IRF9: variants seen among roughly 807,000 people sequenced by gnomAD.
IRF9 encodes IFN-alpha-responsive transcription factor subunit.
A neutral mutation model predicts 44.1 loss-of-function variants in IRF9; 13 were observed. The ratio of observed to expected loss-of-function variants is 0.29; its 90% confidence interval spans 0.19 to 0.47. IRF9 has a LOEUF of 0.47. IRF9 is among the 20% of genes least tolerant of loss of function. The pLI, the probability that IRF9 is intolerant of heterozygous loss-of-function variation, is 1.00. For synonymous variants in IRF9, 189 were observed against 188.5 expected (o/e 1.00, Z -0.02); for missense variants, 373 against 496.1 (o/e 0.75, Z 2.36).
rs1209605053 is a variant in IRF9 at position 24,166,303 on chromosome 14, T to G, written c.*107T>G. On this transcript the variant is annotated 3_prime_UTR_variant, in exon 9 of 9. Transcript: ENST00000396864. ...CTGTCCTCTTTGTGATAATTCTCAGTAGTTGTCCGTGATAATCGTGTCCTG... is the reference window on the plus strand; with the variant it reads ...CTGTCCTCTTTGTGATAATTCTCAGGAGTTGTCCGTGATAATCGTGTCCTG... 5.1e-6 allele frequency: 5 copies of G among 982,774 alleles called. No homozygotes were observed. In the South Asian group the frequency reaches 6.8e-5, roughly 13 times the overall value. 60.9% of individuals were successfully genotyped at this position (982,774 alleles called of 1,614,324 possible).
Position 24,166,338 on chromosome 14 carries a change from G to T in IRF9, c.*142G>T. On this transcript the variant is annotated 3_prime_UTR_variant, in exon 9 of 9. Coordinates refer to ENST00000396864, the MANE Select transcript of IRF9 (RefSeq NM_006084.5). ...TGATAATCGTGTCCTGAAAATCCTC[G>T]CACACACTGGCTGGTGGAGAACTCA... 1.4e-6 allele frequency: 1 copy of T among 739,742 alleles called. No homozygotes were observed. Among genetic ancestry groups the T allele is most frequent in the East Asian group, 2.7e-5 (1 of 36,762 alleles). The allele number at this position is 739,742 out of a possible 1,614,324, so 45.8% of individuals were successfully genotyped here. A position where few individuals can be genotyped will look rare whatever the true frequency, so the allele number is the denominator to read the frequency against.
In IRF9 at chr14:24,165,848, C is replaced by T. The variant is rs2038515145; in HGVS notation, c.993C>T (p.Asp331=). 2 of 1,610,628 alleles carry T rather than the reference C, an allele frequency of 1.2e-6. No homozygotes were observed. The highest frequency in any genetic ancestry group is 1.3e-5 in the African/African-American group (1 of 74,852). Residue 331 remains aspartate, a splice_region_variant and synonymous_variant, in exon 8 of 9, where the codon GAC becomes GAT. Coordinates refer to ENST00000396864, the MANE Select transcript of IRF9 (RefSeq NM_006084.5). ...AACCCTTGACCCTTTCTCTTTCAGA[C>T]TTGGTCAGGTACTTTCAGGGCCTGG... ...ELFRTAYFCR[D]LVRYFQGLGP...
At chr14:24,162,361 GGGAT>G in intron 2 of IRF9, 37 bp downstream of exon 2, 2 of 1,589,554 alleles carry the variant, frequency 1.3e-6, no homozygotes, top group South Asian at 2.3e-5. Flanking sequence ...CTCTGTGTGT[GGGAT>G]GGTGTATACA....
At chr14:24,161,764 C>T (rs377014231) in intron 1 of IRF9, among the ~76,000 whole-genome samples, 7 of 152,170 alleles carry the variant, frequency 4.6e-5, no homozygotes, top group African/African-American at 1.7e-4. Flanking sequence ...CAGAACCTAC[C>T]TCTGCTGATG....
Position 24,164,567 on chromosome 14 carries a change from C to T in IRF9, c.650-47C>T. The T allele has an allele frequency of 6.6e-7, 1 of 1,520,458 alleles. No homozygotes were observed. The highest frequency in any genetic ancestry group is 2.3e-5 in the East Asian group (1 of 43,822). The allele number at this position is 1,520,458 out of a possible 1,614,324, so 94.2% of individuals were successfully genotyped here. A position where few individuals can be genotyped will look rare whatever the true frequency, so the allele number is the denominator to read the frequency against. ...TGTTCCCCTGGGGAGGGGCTGCTGC[C>T]AGCCTGCATGCTCCTCCAGCACCAG... On this transcript the variant is annotated intron_variant, in intron 6 of 8. Transcript: ENST00000396864. The surrounding 1 kb of genome is among the most constrained non-coding windows in gnomAD (Gnocchi z 5.2).
rs573340541 is a variant in IRF9, at chr14:24,164,306, C to T, written c.649+172C>T. 7.9e-5 allele frequency: 52 copies of T among 656,418 alleles called. No homozygotes were observed. The African/African-American group carries it at 8.4e-4, about 11-fold the overall frequency. The allele number at this position is 656,418 out of a possible 1,614,324, so 40.7% of individuals were successfully genotyped here. On this transcript the variant is annotated intron_variant, in intron 6 of 8. Transcript: ENST00000396864. The surrounding 1 kb of genome is among the most constrained non-coding windows in gnomAD (Gnocchi z 5.2). ...GAATTCCATATGCCTGGCCAGACTC[C>T]AAAAAGCTTGCTTCCCAAAAATACC...
At chr14:24,165,396 C>T (rs938664519) in intron 7 of IRF9, 36 of 597,114 alleles carry the variant, frequency 6.0e-5, no homozygotes, top group Admixed American at 1.4e-4. Flanking sequence ...CTTAGGGTTG[C>T]GCTTCTCTCC....
chr14:24,163,969 G>A lies in IRF9; in HGVS notation c.577+10G>A, dbSNP rs1451229699. 2 of 1,609,172 alleles carry A rather than the reference G, an allele frequency of 1.2e-6. No homozygotes were observed. Among genetic ancestry groups the A allele is most frequent in the Non-Finnish European group, 1.7e-6 (2 of 1,177,764 alleles). On this transcript the variant is annotated intron_variant, in intron 5 of 8. Coordinates refer to ENST00000396864, the MANE Select transcript of IRF9 (RefSeq NM_006084.5). ...CCTGAGCCACAGGAAGGTACCACCTGCCCTGCCTCTTGTGTCGTCCCCCAT... is the reference window on the plus strand; with the variant it reads ...CCTGAGCCACAGGAAGGTACCACCTACCCTGCCTCTTGTGTCGTCCCCCAT...
intron 4 of IRF9, 114 bp from the exon 5 acceptor site, chr14:24,163,764 G>A: frequency 3.6e-6 from 4 of 1,113,042 alleles, no homozygotes; most frequent in Non-Finnish European, 3.8e-6. Flanking sequence ...CTTGAACCGG[G>A]GGGCGGAGAT....
rs754308020 is a variant in IRF9, at chr14:24,163,847, G to GA, written c.496-23dup. The stretch of plus-strand genomic sequence containing the variant: ...AGTGAAACTCTGTCTCAAAAAAAGA[G>GA]AAAAAAAATAAAAAGACACTGTGTC... On this transcript the variant is annotated intron_variant, in intron 4 of 8. Transcript: ENST00000396864. 23 of 1,576,614 alleles carry GA rather than the reference G, an allele frequency of 1.5e-5. No homozygotes were observed. The Admixed American group carries it at 2.1e-4, about 14-fold the overall frequency.
At chr14:24,162,841 G>A (rs1044361548) in intron 2 of IRF9, 125 bp from the exon 3 acceptor site, 59 of 679,520 alleles carry the variant, frequency 8.7e-5, no homozygotes, top group African/African-American at 8.6e-4. Context: ...AGATGGCAAC[G>A]CAGAGCACAG....
chr14:24,162,387 T>A, intron 2 of IRF9, 63 bp downstream of exon 2: 2 of 1,490,410 alleles, frequency 1.3e-6, no homozygotes, highest in Non-Finnish European at 9.1e-7. Flanking sequence ...ACTGGTACAC[T>A]CATCCTCGAG....
chr14:24,161,388 T>A (rs917034555), intron 1 of IRF9, 50 bp downstream of exon 1: 1 of 152,308 alleles, frequency 6.6e-6, no homozygotes. Context: ...GGCTAGAAAG[T>A]CCAGCCAGAT....
chr14:24,162,566 C>A, intron 2 of IRF9: 1 of 474,798 alleles, frequency 2.1e-6, no homozygotes, highest in South Asian at 2.6e-5. Context: ...CTTCGGGAGG[C>A]CAAGGTGGGT....
Position 24,164,547 on chromosome 14 carries a change from C to G in IRF9, c.650-67C>G, listed in dbSNP as rs566445861. On this transcript the variant is annotated intron_variant, in intron 6 of 8. Transcript: ENST00000396864. This position sits in a 1 kb window ranked among gnomAD's most constrained non-coding sequence, Gnocchi z 5.2. ...GTGGGGAGGGGAGGTGGAGTTGTTC[C>G]CCTGGGGAGGGGCTGCTGCCAGCCT... 124 of 1,467,034 alleles carry G rather than the reference C, an allele frequency of 8.5e-5. No individual in the cohort carries two copies. In the South Asian group the frequency reaches 1.5e-3, roughly 17 times the overall value. 90.9% of individuals were successfully genotyped at this position (1,467,034 alleles called of 1,614,324 possible). A position where few individuals can be genotyped will look rare whatever the true frequency, so the allele number is the denominator to read the frequency against.
intron 2 of IRF9, 130 bp downstream of exon 2, chr14:24,162,454 C>A: frequency 3.3e-6 from 3 of 907,074 alleles, no homozygotes; most frequent in Non-Finnish European, 5.0e-6. Context: ...AAACTAGCTG[C>A]ATCATTTGCA....
intron 2 of IRF9, 37 bp downstream of exon 2, chr14:24,162,361 G>T: frequency 6.3e-7 from 1 of 1,589,554 alleles, no homozygotes; most frequent in Non-Finnish European, 8.6e-7. Flanking sequence ...CTCTGTGTGT[G>T]GGATGGTGTA....
intron 1 of IRF9, 104 bp from the exon 2 acceptor site, chr14:24,162,040 C>G: frequency 9.5e-7 from 1 of 1,057,840 alleles, no homozygotes; most frequent in South Asian, 1.5e-5. Flanking sequence ...TGGATGGGAT[C>G]TCTGGGACCT....
intron 7 of IRF9, chr14:24,165,224 A>G (rs975526771): frequency 2.8e-6 from 2 of 702,236 alleles, no homozygotes; most frequent in Non-Finnish European, 2.6e-6. Flanking sequence ...GGAGAACACC[A>G]TCACACTGAA....
Sources: allele counts gnomAD v4.1 joint callset (sites outside exome capture counted in the v4.1 genomes callset), GRCh38; gene constraint gnomAD v4.1.1; non-coding constraint Gnocchi (gnomAD v3.1); transcripts MANE v1.5; gene names NCBI Gene and HGNC (gene_info 2026-07-23, HGNC 2026-07-21).